CD6: variants seen among roughly 807,000 people sequenced by gnomAD.
CD6 encodes the protein CD6 molecule, also known as T-cell differentiation antigen CD6.
CD6 carries 53 observed loss-of-function variants against 75.3 expected under a neutral mutation model. The observed-to-expected ratio is 0.70, with a 90% confidence interval of 0.56 to 0.88. The LOEUF (loss-of-function observed/expected upper bound fraction) is 0.88, where lower values mean the gene tolerates loss of function less well. Among genes scored for constraint, CD6 ranks in the 40% least tolerant of loss-of-function variants. The pLI is 0.00. For missense variants in CD6, 770 were observed against 897.1 expected (o/e 0.86, Z 1.81); for synonymous variants, 359 against 381.5 (o/e 0.94, Z 0.69).
chr11:61,018,688 C>G, intron 12 of CD6: 1 of 317,034 alleles, frequency 3.2e-6, no homozygotes, highest in South Asian at 5.4e-5. Flanking sequence ...AAGGGTAGCA[C>G]GTGCCTATAG....
intron 1 of CD6, among the ~76,000 whole-genome samples, chr11:61,001,445 C>A (rs1858583824): frequency 6.6e-6 from 1 of 152,144 alleles, no homozygotes; most frequent in South Asian, 2.1e-4. Context: ...TTGTGATCCA[C>A]CCACCTTGGC....
rs370187400 is a variant in CD6, at chr11:61,017,835, C to T, written c.1659C>T (p.Gly553=). The change falls in exon 11 of 13, where the codon GGC becomes GGT. Residue 553 remains glycine (G), a synonymous_variant. Transcript: ENST00000313421. ...GHCITDPPSL[G]PQYHPRSNSE... The stretch of plus-strand genomic sequence containing the variant: ...GCATTACAGACCCGCCATCCCTGGG[C>T]CCTCAGTATCACCCGAGGAGCAACA... 1.9e-6 allele frequency: 3 copies of T among 1,613,948 alleles called. No individual in the cohort carries two copies. In the African/African-American group the frequency reaches 4.0e-5, roughly 22 times the overall value.
chr11:61,015,113 A>G (rs1015651090), intron 8 of CD6, among the ~76,000 whole-genome samples: 5 of 151,956 alleles, frequency 3.3e-5, no homozygotes, highest in African/African-American at 9.6e-5. Context: ...CCCACTTCAC[A>G]GAGTTATCAT....
chr11:60,994,900 T>C (rs1858229292), intron 1 of CD6, among the ~76,000 whole-genome samples: 1 of 152,166 alleles, frequency 6.6e-6, no homozygotes, highest in South Asian at 2.1e-4. Flanking sequence ...TTCCTGGCCT[T>C]GGAGAGCCAA....
chr11:60,996,106 T>C (rs1449440519), intron 1 of CD6, among the ~76,000 whole-genome samples: 1 of 152,162 alleles, frequency 6.6e-6, no homozygotes, highest in African/African-American at 2.4e-5. Flanking sequence ...AGCTTGGCCA[T>C]TTTCTAGCCG....
Position 61,018,292 on chromosome 11 carries a change from G to A in CD6, c.1841G>A (p.Gly614Glu), listed in dbSNP as rs775962443. The A allele has an allele frequency of 1.1e-5, 18 of 1,597,442 alleles. No homozygotes were observed. In the East Asian group the frequency reaches 4.1e-4, roughly 36 times the overall value. The change falls in exon 12 of 13, where the codon GGG (glycine) becomes GAG (glutamate). Residue 614 changes from glycine to glutamate, a missense_variant. By Grantham distance (98) the Gly-to-Glu change is moderately conservative. Coordinates refer to ENST00000313421, the MANE Select transcript of CD6 (RefSeq NM_006725.5). ...GACTGGTTCTGGGGGTTTCCAGCAG[G>A]GCCCCCGGCTGATGACAGCTCCAGC... ...LAGTQPAFSA[G>E]PPADDSSSTS...
intron 1 of CD6, among the ~76,000 whole-genome samples, chr11:60,996,868 C>T (rs1858324442): frequency 6.6e-6 from 1 of 152,154 alleles, no homozygotes; most frequent in South Asian, 2.1e-4. Flanking sequence ...TACTTGCTGA[C>T]AAAAAGCCTT....
At chr11:60,990,115 C>A (rs1304182861) in intron 1 of CD6, among the ~76,000 whole-genome samples, 1 of 152,024 alleles carries the variant, frequency 6.6e-6, no homozygotes, top group Non-Finnish European at 1.5e-5. Flanking sequence ...TTATCAATAG[C>A]TACCTTCAAA....
At chr11:61,019,024 T>A in intron 12 of CD6, 1 of 445,792 alleles carries the variant, frequency 2.2e-6, no homozygotes, top group Non-Finnish European at 4.0e-6. Flanking sequence ...TCGTCCACCG[T>A]GTCGTGCAGT....
Position 61,007,509 on chromosome 11 carries a change from A to T in CD6, c.119-51A>T, listed in dbSNP as rs1322916797. The T allele has an allele frequency of 7.7e-7, 1 of 1,304,974 alleles. No individual in the cohort carries two copies. Among genetic ancestry groups the T allele is most frequent in the Non-Finnish European group, 1.0e-6 (1 of 998,592 alleles). The allele number at this position is 1,304,974 out of a possible 1,614,324, so 80.8% of individuals were successfully genotyped here. A position where few individuals can be genotyped will look rare whatever the true frequency, so the allele number is the denominator to read the frequency against. On this transcript the variant is annotated intron_variant, in intron 2 of 12. Coordinates refer to ENST00000313421, the MANE Select transcript of CD6 (RefSeq NM_006725.5). This position sits in a 1 kb window ranked among gnomAD's most constrained non-coding sequence, Gnocchi z 4.2. ...CAGAGTCAGTGGCAGAGCCTGGGCA[A>T]CCCTCTGCCCAGGCCCCACCGGTCT...
chr11:61,018,384 G>C lies in CD6; in HGVS notation c.1933G>C (p.Gly645Arg), dbSNP rs1859526738. 1 of 1,591,916 alleles carries C rather than the reference G, an allele frequency of 6.3e-7. No individual in the cohort carries two copies. The highest frequency in any genetic ancestry group is 8.6e-7 in the Non-Finnish European group (1 of 1,168,804). ...CCAGCCCCCTTCGGAGGAGCAGTTT[G>C]GCTGTCCAGGTGCCAATATCTGGGG... ...PPQPPSEEQF[G>R]CPGSPSPQPD... The change falls in exon 12 of 13, where the codon GGC (glycine) becomes CGC (arginine). Residue 645 changes from glycine (G) to arginine (R), a missense_variant. Gly to Arg is a moderately radical substitution (Grantham distance 125, BLOSUM62 -2). Transcript: ENST00000313421.
chr11:61,006,719 G>T, intron 2 of CD6, 77 bp downstream of exon 2: 1 of 1,209,098 alleles, frequency 8.3e-7, no homozygotes, highest in South Asian at 1.3e-5. Flanking sequence ...GAAGGGAAAT[G>T]GACATTTAGG....
At chr11:61,002,062 T>C (rs11230559) in intron 1 of CD6, among the ~76,000 whole-genome samples, 25,022 of 152,218 alleles carry the variant, frequency 0.16, 2,848 homozygotes, top group Middle Eastern at 0.31. Flanking sequence ...TCACAAAAAA[T>C]GTATCATATT....
chr11:61,019,255 G>T lies in CD6; in HGVS notation c.1944G>T (p.Gly648=). The change falls in exon 13 of 13, where the codon GGG becomes GGT. Residue 648 remains glycine, a splice_region_variant and synonymous_variant. Coordinates refer to ENST00000313421, the MANE Select transcript of CD6 (RefSeq NM_006725.5). ...TAATCTGGGCCTCTCTGCCCACAGG[G>T]TCCCCCAGCCCTCAGCCTGACTCCA... ...PPSEEQFGCP[G]SPSPQPDSTD... The T allele has an allele frequency of 6.2e-7, 1 of 1,611,092 alleles. No individual in the cohort carries two copies.
chr11:60,992,753 G>A (rs1213041284), intron 1 of CD6, among the ~76,000 whole-genome samples: 3 of 152,034 alleles, frequency 2.0e-5, no homozygotes, highest in African/African-American at 7.2e-5. Context: ...ACTAGAACTT[G>A]GGAGGCAGAG....
chr11:60,989,148 A>G (rs576324592), intron 1 of CD6: 3 of 152,338 alleles, frequency 2.0e-5, no homozygotes, highest in African/African-American at 7.2e-5. Context: ...AATCTGGGGA[A>G]CAAATTCAAA....
At chr11:61,010,934 A>T in intron 5 of CD6, 136 bp from the exon 6 acceptor site, 1 of 715,954 alleles carries the variant, frequency 1.4e-6, no homozygotes, top group Non-Finnish European at 2.5e-6. Context: ...AAGTTTCCTT[A>T]GCCACGTGTC....
At chr11:60,999,010 TA>T (rs1438687943) in intron 1 of CD6, among the ~76,000 whole-genome samples, 1 of 151,916 alleles carries the variant, frequency 6.6e-6, no homozygotes, top group African/African-American at 2.4e-5. Context: ...ATATATAAAT[TA>T]GGCGGGCATG....
At position 61,008,816 on chromosome 11, in the gene CD6, A is replaced by T. The variant is rs1331880737; in HGVS notation, c.752A>T (p.His251Leu). ...CTGCCAGGACAGCACTACTGCGGCC[A>T]CAAAGAGGACGCGGGCGCGGTGTGC... ...PGLPGQHYCG[H>L]KEDAGAVCSE... Residue 251 changes from histidine (H) to leucine (L), a missense_variant, in exon 4 of 13, where the codon CAC (histidine) becomes CTC (leucine). Physicochemically the swap from His to Leu is moderately conservative, Grantham distance 99 (BLOSUM62 -3). Transcript: ENST00000313421. The T allele has an allele frequency of 5.1e-6, 8 of 1,563,256 alleles. No individual in the cohort carries two copies. The highest frequency in any genetic ancestry group is 6.1e-6 in the Non-Finnish European group (7 of 1,152,096).
Sources: gnomAD v4.1 joint callset for allele counts (sites outside exome capture counted in the v4.1 genomes callset) on GRCh38, gnomAD v4.1.1 for gene constraint, Gnocchi (gnomAD v3.1) non-coding constraint, MANE v1.5 for transcripts, NCBI Gene and HGNC (gene_info 2026-07-23, HGNC 2026-07-21) for gene names.